The following TMEM223 variants were observed in gnomAD, a reference collection of about 807,000 sequenced individuals.
TMEM223 encodes transmembrane protein 223.
TMEM223 carries 14 observed loss-of-function variants against 14.1 expected under a neutral mutation model. The observed-to-expected ratio is 0.99, with a 90% CI of 0.66 to 1.55. TMEM223 has a LOEUF of 1.55. Ranked by LOEUF, TMEM223 falls within the 40% of genes most tolerant of loss-of-function variation. The pLI is 0.00. For synonymous variants in TMEM223, 145 were observed against 120.5 expected (o/e 1.20, Z -1.33); for missense variants, 346 against 269.9 (o/e 1.28, Z -1.97).
At chr11:62,787,751 G>C, downstream of TMEM223, 1 of 686,382 alleles carries the variant, frequency 1.5e-6, no homozygotes, top group South Asian at 1.6e-5. Context: ...AAAGGGACGG[G>C]TCAGTAGCGT....
downstream of TMEM223, chr11:62,787,470 C>A: frequency 6.3e-7 from 1 of 1,577,102 alleles, no homozygotes; most frequent in East Asian, 2.3e-5. Context: ...AGCTTGCGCT[C>A]TTTGCTGCCG....
rs1554996873 is a variant in TMEM223 at position 62,779,952 on chromosome 11, C to CTACATATATATATATATATA, written c.315-5288_315-5287insTATATATATATATATATGTA. On this transcript the variant is annotated intron_variant, in intron 1 of 2. Transcript: ENST00000528367. Reference sequence around the variant, plus strand: ...AAGTGGTGGGATTACAGGCGTGAGCCTATATATATATATATATATATATAT... The same window carrying CTACATATATATATATATATA: ...AAGTGGTGGGATTACAGGCGTGAGCCTACATATATATATATATATATATATATATATATATATATATATAT... 1.7e-4 allele frequency among the ~76,000 whole-genome samples: 17 copies of CTACATATATATATATATATA among 100,050 alleles called. 1 individual carries two copies. The highest frequency in any genetic ancestry group is 9.0e-4 in the East Asian group (3 of 3,320). 65.6% of individuals were successfully genotyped at this position (100,050 alleles called of 152,430 possible).
At chr11:62,772,912 C>T (rs1219711970) in intron 2 of TMEM223, among the ~76,000 whole-genome samples, 1 of 150,000 alleles carries the variant, frequency 6.7e-6, no homozygotes, top group Non-Finnish European at 1.5e-5. Flanking sequence ...GAGTTTAGCT[C>T]TGTCATCCAG....
At chr11:62,776,456 T>C (rs748698777) in intron 1 of TMEM223, 3 of 1,613,448 alleles carry the variant, frequency 1.9e-6, no homozygotes, top group Admixed American at 1.7e-5. Flanking sequence ...GGCCCTCAGA[T>C]GGAGCAGCGT....
rs2084339639 is a variant in TMEM223, at chr11:62,789,989, A to G, written c.*634T>C. ...CCATACCGGCCTCTGGAGAGGGGTG[A>G]CCCTGAGTGGAGCTCTGAGACAGAT... is the stretch of plus-strand genomic sequence containing the variant. On this transcript the variant is annotated 3_prime_UTR_variant, in exon 2 of 2. Coordinates refer to ENST00000307366, the MANE Select transcript of TMEM223 (RefSeq NM_001080501.3). The G allele has an allele frequency of 6.2e-7, 1 of 1,613,808 alleles. No individual in the cohort carries two copies. The highest frequency in any genetic ancestry group is 1.3e-5 in the African/African-American group (1 of 74,840).
downstream of TMEM223, among the ~76,000 whole-genome samples, chr11:62,783,533 ATCT>A (rs2084246621): frequency 7.0e-6 from 1 of 141,938 alleles, no homozygotes; most frequent in Non-Finnish European, 1.5e-5. Flanking sequence ...AAGAGGGAGG[ATCT>A]TTTTTTTTTT....
downstream of TMEM223, chr11:62,787,389 G>T: frequency 6.4e-7 from 1 of 1,554,138 alleles, no homozygotes; most frequent in South Asian, 1.2e-5. Context: ...TGGGCTTTGG[G>T]CGGGGTGCTG....
downstream of TMEM223, chr11:62,789,623 C>A: frequency 1.3e-6 from 2 of 1,548,130 alleles, no homozygotes; most frequent in Non-Finnish European, 1.7e-6. Flanking sequence ...CCAGAAAATT[C>A]CATGGACACC....
chr11:62,784,032 G>A (rs1361091598), downstream of TMEM223, among the ~76,000 whole-genome samples: 7 of 746 alleles, frequency 9.4e-3, no homozygotes, highest in South Asian at 0.031. Context: ...ACTGTCGCCC[G>A]GGCTGGAGTG....
downstream of TMEM223, chr11:62,789,917 G>A (rs202247077): frequency 1.7e-5 from 28 of 1,614,014 alleles, no homozygotes; most frequent in Non-Finnish European, 2.3e-5. Flanking sequence ...GTATTGTGGT[G>A]TGTGGTCTTG....
chr11:62,787,098 C>T (rs952163577), downstream of TMEM223: 3 of 1,543,494 alleles, frequency 1.9e-6, no homozygotes, highest in Admixed American at 1.9e-5. Context: ...CGCGCGGCGC[C>T]CCGCACTTTC....
downstream of TMEM223, among the ~76,000 whole-genome samples, chr11:62,783,204 C>T (rs752284994): frequency 3.5e-4 from 53 of 152,134 alleles, no homozygotes; most frequent in African/African-American, 1.2e-3. Context: ...GTGTTGGCGC[C>T]GGGCGCAGTG....
chr11:62,787,336 C>T (rs750399757), downstream of TMEM223: 246 of 1,523,744 alleles, frequency 1.6e-4, no homozygotes, highest in Non-Finnish European at 2.1e-4. Context: ...AATCCCGCCC[C>T]CGGAAATGAC....
At chr11:62,791,586 G>A (rs989966337) in intron 1 of TMEM223, 93 bp downstream of exon 1, 6 of 1,376,546 alleles carry the variant, frequency 4.4e-6, no homozygotes, top group Non-Finnish European at 5.7e-6. Context: ...CGCCACTCTC[G>A]GATAGGGAGT....
At chr11:62,787,645 C>T (rs1590941762), downstream of TMEM223, 4 of 1,304,890 alleles carry the variant, frequency 3.1e-6, no homozygotes, top group South Asian at 4.6e-5. Context: ...CCTGGTGAGG[C>T]ACGGCTGGCG....
downstream of TMEM223, among the ~76,000 whole-genome samples, chr11:62,784,458 C>G (rs1030233676): frequency 1.3e-5 from 2 of 151,596 alleles, no homozygotes; most frequent in African/African-American, 4.9e-5. Context: ...AGGCGCCCGC[C>G]ACCATGCCCG....
At position 62,790,834 on chromosome 11, in the gene TMEM223, A is replaced by G. The variant is rs1233116609; in HGVS notation, c.398T>C (p.Val133Ala). 6.2e-7 allele frequency: 1 copy of G among 1,604,988 alleles called. No individual in the cohort carries two copies. The highest frequency in any genetic ancestry group is 8.5e-7 in the Non-Finnish European group (1 of 1,175,858). The change falls in exon 2 of 2, where the codon GTG (valine) becomes GCG (alanine). Residue 133 changes from valine to alanine, a missense_variant. By Grantham distance (64) the Val-to-Ala change is moderately conservative. Transcript: ENST00000307366. Reference sequence around the variant, plus strand: ...AAAGGGGGCATGAGTGGTGAGGGTCACCTGCTGCCCTCCAGCTCGAAGCAC... The same window carrying G: ...AAAGGGGGCATGAGTGGTGAGGGTCGCCTGCTGCCCTCCAGCTCGAAGCAC... ...SVVLRAGGQQ[V>A]TLTTHAPFGL...
intron 1 of TMEM223, among the ~76,000 whole-genome samples, chr11:62,781,214 C>G (rs184704033): frequency 6.7e-6 from 1 of 148,868 alleles, no homozygotes; most frequent in African/African-American, 2.5e-5. Context: ...CCAGCCTGGG[C>G]GACAGGGCGA....
In TMEM223 at chr11:62,790,183, C is replaced by A; in HGVS notation, c.*440G>T. ...GGTGGGGGGGAAACATAATGACAGG[C>A]CCCCCTCCACCTCTTCCTGCAGCTG... On this transcript the variant is annotated 3_prime_UTR_variant, in exon 2 of 2. Coordinates refer to ENST00000307366, the MANE Select transcript of TMEM223 (RefSeq NM_001080501.3). 1.1e-6 allele frequency: 1 copy of A among 904,310 alleles called. No homozygotes were observed. Among genetic ancestry groups the A allele is most frequent in the Non-Finnish European group, 1.6e-6 (1 of 623,602 alleles). The allele number at this position is 904,310 out of a possible 1,614,324, so 56.0% of individuals were successfully genotyped here.
Sources: gnomAD v4.1 joint callset for allele counts (sites outside exome capture counted in the v4.1 genomes callset) on GRCh38, gnomAD v4.1.1 for gene constraint, MANE v1.5 for transcripts, NCBI Gene and HGNC (gene_info 2026-07-23, HGNC 2026-07-21) for gene names.